The following VAC14 variants were observed in gnomAD, a reference collection of about 807,000 sequenced individuals.
VAC14 encodes protein VAC14 homolog.
Under a neutral mutation model 85.3 loss-of-function variants are expected in VAC14, and 47 were observed. That is an observed-to-expected ratio of 0.55 (90% CI 0.44 to 0.70). VAC14 has a LOEUF of 0.70. VAC14 is among the 30% of genes least tolerant of loss of function. The pLI, the probability that VAC14 is intolerant of heterozygous loss-of-function variation, is 0.00. For synonymous variants in VAC14, 447 were observed against 430.5 expected (o/e 1.04, Z -0.47); for missense variants, 861 against 1,004.3 (o/e 0.86, Z 1.93).
intron 14 of VAC14, among the ~76,000 whole-genome samples, chr16:70,722,198 C>T (rs894294991): frequency 3.9e-5 from 6 of 152,256 alleles, no homozygotes; most frequent in Admixed American, 6.5e-5. Flanking sequence ...TCCCAAGAGC[C>T]GCTTTGGTGG....
chr16:70,709,857 C>T (rs2053993618), intron 14 of VAC14, among the ~76,000 whole-genome samples: 1 of 152,148 alleles, frequency 6.6e-6, no homozygotes, highest in African/African-American at 2.4e-5. Context: ...GCTGACACTG[C>T]CAGGGAAATG....
intron 9 of VAC14, chr16:70,773,154 T>C (rs1408740589): frequency 6.6e-6 from 1 of 152,204 alleles, no homozygotes; most frequent in East Asian, 1.9e-4. Context: ...GATGGTTACA[T>C]AACCCTGTGA....
chr16:70,695,859 C>T (rs2053695827), intron 16 of VAC14: 2 of 442,470 alleles, frequency 4.5e-6, no homozygotes, highest in East Asian at 7.1e-5. Context: ...TCCTCTGCAC[C>T]CTCCCGGGCT....
chr16:70,798,306 C>T (rs2034632529), intron 1 of VAC14, among the ~76,000 whole-genome samples: 1 of 152,212 alleles, frequency 6.6e-6, no homozygotes, highest in African/African-American at 2.4e-5. Flanking sequence ...ATTTACACTA[C>T]ATAGATAACT....
chr16:70,692,239 A>G (rs969726366), intron 18 of VAC14, among the ~76,000 whole-genome samples: 3 of 151,516 alleles, frequency 2.0e-5, no homozygotes, highest in East Asian at 3.9e-4. Context: ...GGTGCCTAGG[A>G]CCTGTTCCTT....
chr16:70,731,678 G>T, intron 13 of VAC14, 51 bp from the exon 14 acceptor site: 1 of 1,502,424 alleles, frequency 6.7e-7, no homozygotes. Context: ...GTGTCCACAG[G>T]GTGATGAGAT....
chr16:70,761,016 T>TGTGTGTGTGTGTGTGTGTGTGTGC lies in VAC14; in HGVS notation c.1371+1523_1371+1524insGCACACACACACACACACACACAC, dbSNP rs1413571677. ...GTGTGTGTGTGTGTGTGTGTGTGTGTGTGCATGGGGGGGCGGGGGGTAGGC... is the reference window on the plus strand; with the variant it reads ...GTGTGTGTGTGTGTGTGTGTGTGTGTGTGTGTGTGTGTGTGTGTGTGTGCGTGCATGGGGGGGCGGGGGGTAGGC... On this transcript the variant is annotated intron_variant, in intron 12 of 18. Coordinates refer to ENST00000261776, the MANE Select transcript of VAC14 (RefSeq NM_018052.5). 44 of 300,908 alleles carry TGTGTGTGTGTGTGTGTGTGTGTGC rather than the reference T, an allele frequency of 1.5e-4. 1 individual carries two copies. In the African/African-American group the frequency reaches 1.8e-3, roughly 12 times the overall value. 18.6% of individuals were successfully genotyped at this position (300,908 alleles called of 1,614,324 possible). A position where few individuals can be genotyped will look rare whatever the true frequency, so the allele number is the denominator to read the frequency against.
Position 70,692,916 on chromosome 16 carries a change from G to C in VAC14, c.2091C>G (p.Leu697=). The change falls in exon 18 of 19, where the codon CTC becomes CTG. Residue 697 remains leucine, a synonymous_variant. Transcript: ENST00000261776. ...VKNNPYLIKA[L]YGLLMLLPQS... The stretch of plus-strand genomic sequence containing the variant: ...GCGGCAGGAGCATGAGCAGGCCGTA[G>C]AGGGCCTTGATCAGGTAGGGGTTGT... The C allele has an allele frequency of 6.2e-7, 1 of 1,610,712 alleles. No individual in the cohort carries two copies. Among genetic ancestry groups the C allele is most frequent in the Middle Eastern group, 1.7e-4 (1 of 6,054 alleles).
At chr16:70,775,677 G>C (rs1404507753) in intron 9 of VAC14, among the ~76,000 whole-genome samples, 2 of 152,234 alleles carry the variant, frequency 1.3e-5, no homozygotes, top group Non-Finnish European at 2.9e-5. Context: ...CCTGGGGAAA[G>C]GTGAGGAAAA....
rs1184242358 is a variant in VAC14 at position 70,692,750 on chromosome 16, T to A, written c.2186+71A>T. The A allele has an allele frequency of 7.8e-6, 12 of 1,543,430 alleles. No individual in the cohort carries two copies. In the East Asian group the frequency reaches 2.8e-4, roughly 36 times the overall value. Reference sequence around the variant, plus strand: ...GCCTCAGCAGCCCCTGGCAAGGCCCTTCCTCACCAGGCTCCTCTGGGCCTG... The same window carrying A: ...GCCTCAGCAGCCCCTGGCAAGGCCCATCCTCACCAGGCTCCTCTGGGCCTG... On this transcript the variant is annotated intron_variant, in intron 18 of 18. Coordinates refer to ENST00000261776, the MANE Select transcript of VAC14 (RefSeq NM_018052.5).
In VAC14 at chr16:70,783,087, T is replaced by C; in HGVS notation, c.757A>G (p.Ser253Gly). The C allele has an allele frequency of 6.2e-7, 1 of 1,614,194 alleles. No individual in the cohort carries two copies. Among genetic ancestry groups the C allele is most frequent in the Non-Finnish European group, 8.5e-7 (1 of 1,180,034 alleles). The change falls in exon 7 of 19, where the codon AGT becomes GGT. Residue 253 changes from serine (S) to glycine (G), a missense_variant. Ser to Gly is a moderately conservative substitution (Grantham distance 56). Around this residue, in one of 3 missense-constraint regions of VAC14, gnomAD observed 629 missense variants for 703.1 expected, o/e 0.89. Coordinates refer to ENST00000261776, the MANE Select transcript of VAC14 (RefSeq NM_018052.5). ...TTGGCCATCTCAGCAAACTTCACAC[T>C]GGAGGGGTTCTTCTTAATTTCTTTT... ...FLKEIKKNPS[S>G]VKFAEMANIL...
At chr16:70,702,153 G>A (rs2053840812) in intron 14 of VAC14, among the ~76,000 whole-genome samples, 1 of 152,196 alleles carries the variant, frequency 6.6e-6, no homozygotes, top group Non-Finnish European at 1.5e-5. Flanking sequence ...TCATGCCCAG[G>A]CAGGCCTTTT....
chr16:70,689,557 C>G (rs2053560683), intron 18 of VAC14: 2 of 985,580 alleles, frequency 2.0e-6, no homozygotes, highest in Non-Finnish European at 2.4e-6. Flanking sequence ...GAGGCGGCCT[C>G]CTGCACCCCT....
chr16:70,693,278 A>T (rs2142986546), intron 17 of VAC14, among the ~76,000 whole-genome samples: 1 of 150,930 alleles, frequency 6.6e-6, no homozygotes, highest in Non-Finnish European at 1.5e-5. Context: ...CAGCCCCACA[A>T]CCCCGAGACA....
Position 70,690,597 on chromosome 16 carries a change from G to T in VAC14, c.2186+2224C>A, listed in dbSNP as rs1357492941. 4 of 985,390 alleles carry T rather than the reference G, an allele frequency of 4.1e-6. No individual in the cohort carries two copies. The African/African-American group carries it at 7.0e-5, about 17-fold the overall frequency. The allele number at this position is 985,390 out of a possible 1,614,324, so 61.0% of individuals were successfully genotyped here. On this transcript the variant is annotated intron_variant, in intron 18 of 18. Coordinates refer to ENST00000261776, the MANE Select transcript of VAC14 (RefSeq NM_018052.5). Reference sequence around the variant, plus strand: ...CCCCAGGGCCTTGATGGCACTTGGAGCACACAGAACCAGGGATGGGCGAGG... The same window carrying T: ...CCCCAGGGCCTTGATGGCACTTGGATCACACAGAACCAGGGATGGGCGAGG...
chr16:70,765,586 C>T (rs142297974), intron 10 of VAC14, among the ~76,000 whole-genome samples: 6 of 152,292 alleles, frequency 3.9e-5, no homozygotes, highest in South Asian at 2.1e-4. Context: ...CAAGATTACA[C>T]GGCCAGGGAA....
chr16:70,788,854 C>A (rs2143300623), intron 1 of VAC14, among the ~76,000 whole-genome samples: 1 of 152,362 alleles, frequency 6.6e-6, no homozygotes, highest in South Asian at 2.1e-4. Flanking sequence ...CCAACTACAC[C>A]AGACCTGCAG....
chr16:70,713,711 T>G (rs1368067311), intron 14 of VAC14, among the ~76,000 whole-genome samples: 9 of 37,582 alleles, frequency 2.4e-4, no homozygotes, highest in Non-Finnish European at 4.4e-4. Flanking sequence ...TTGTTTTTGT[T>G]TTTTTTTTTT....
chr16:70,772,195 G>A lies in VAC14; in HGVS notation c.1097-23C>T. 2.5e-6 allele frequency: 4 copies of A among 1,611,176 alleles called. No individual in the cohort carries two copies. The Admixed American group carries it at 6.7e-5, about 27-fold the overall frequency. On this transcript the variant is annotated intron_variant, in intron 9 of 18. Coordinates refer to ENST00000261776, the MANE Select transcript of VAC14 (RefSeq NM_018052.5). Reference sequence around the variant, plus strand: ...CTCCTGGGAGAGGAAGAGGAACAAGGGGTCATGAAAGGCTGTTGGCTCTCT... The same window carrying A: ...CTCCTGGGAGAGGAAGAGGAACAAGAGGTCATGAAAGGCTGTTGGCTCTCT...
Sources: gnomAD v4.1 joint callset for allele counts (sites outside exome capture counted in the v4.1 genomes callset) on GRCh38, gnomAD v4.1.1 for gene constraint, gnomAD v4.1.1 regional missense constraint, MANE v1.5 for transcripts, NCBI Gene and HGNC (gene_info 2026-07-23, HGNC 2026-07-21) for gene names.